ZNF841: variants seen among roughly 807,000 people sequenced by gnomAD.
The protein encoded by ZNF841 is TCONS_00006091.
ZNF841 carries 11 observed loss-of-function variants against 13.0 expected under a neutral mutation model. The observed-to-expected ratio is 0.85, with a 90% CI of 0.53 to 1.40. The LOEUF (loss-of-function observed/expected upper bound fraction) is 1.40, where lower values mean the gene tolerates loss of function less well. ZNF841 is among the 40% of genes most tolerant of loss of function. ZNF841 has a pLI of 0.00. For synonymous variants in ZNF841, 369 were observed against 381.6 expected, an observed-to-expected ratio of 0.97 and a Z score of 0.38; for missense variants, 1,068 against 1,139.5, an observed-to-expected ratio of 0.94 and a Z score of 0.90.
Position 52,064,997 on chromosome 19 carries a change from A to C in ZNF841, c.*110T>G. The C allele has an allele frequency of 1.0e-6, 1 of 983,106 alleles. No individual in the cohort carries two copies. Among genetic ancestry groups the C allele is most frequent in the Non-Finnish European group, 1.4e-6 (1 of 692,684 alleles). 60.9% of individuals were successfully genotyped at this position (983,106 alleles called of 1,614,324 possible). A position where few individuals can be genotyped will look rare whatever the true frequency, so the allele number is the denominator to read the frequency against. ...CTTTCTTGAGAAAGCCACCCCCATCATCCAATCACCTCCCACTAGGCTCCA... is the reference window on the plus strand; with the variant it reads ...CTTTCTTGAGAAAGCCACCCCCATCCTCCAATCACCTCCCACTAGGCTCCA... On this transcript the variant is annotated 3_prime_UTR_variant, in exon 7 of 7. Transcript: ENST00000594440.
intron 1 of ZNF841, among the ~76,000 whole-genome samples, chr19:52,095,096 C>A (rs1334023795): frequency 1.3e-5 from 2 of 152,168 alleles, no homozygotes; most frequent in Admixed American, 6.6e-5. Context: ...TGCCCACCTC[C>A]CGGAAGAGCA....
chr19:52,059,370 A>AAAAAAATATATATAT, the ZNF841 span, among the ~76,000 whole-genome samples: 5 of 69,644 alleles, frequency 7.2e-5, no homozygotes, highest in African/African-American at 3.3e-4. Context: ...AAAAAAAAAA[A>AAAAAAATATATATAT]ATATATATAT....
At chr19:52,076,738 C>T (rs1385106486) in intron 5 of ZNF841, among the ~76,000 whole-genome samples, 1 of 151,890 alleles carries the variant, frequency 6.6e-6, no homozygotes, top group African/African-American at 2.4e-5. Context: ...TTACACGTAC[C>T]TCAGCTCTGG....
intron 6 of ZNF841, among the ~76,000 whole-genome samples, chr19:52,071,819 C>T (rs73066172): frequency 0.16 from 23,901 of 152,062 alleles, 2,212 homozygotes; most frequent in South Asian, 0.3. Context: ...ATAGAAAGCA[C>T]TTAACACAAT....
intron 2 of ZNF841, among the ~76,000 whole-genome samples, chr19:52,090,611 AAAAGAAAG>A (rs200379352): frequency 7.7e-6 from 1 of 129,512 alleles, no homozygotes; most frequent in African/African-American, 3.0e-5. Context: ...GTCTCTTAAA[AAAAGAAAG>A]AAAGAAAGAA....
At position 52,084,771 on chromosome 19, in the gene ZNF841, A is replaced by C; in HGVS notation, c.15+16T>G. 1 of 1,613,408 alleles carries C rather than the reference A, an allele frequency of 6.2e-7. No individual in the cohort carries two copies. Among genetic ancestry groups the C allele is most frequent in the Non-Finnish European group, 8.5e-7 (1 of 1,179,668 alleles). On this transcript the variant is annotated intron_variant, in intron 4 of 6. Coordinates refer to ENST00000594440, the MANE Select transcript of ZNF841 (RefSeq NM_001136499.2). ...AAGGGAGGAGACAGAACAATCCACC[A>C]AGATTATCACTTTACCTGAGGAAGA...
intron 4 of ZNF841, among the ~76,000 whole-genome samples, chr19:52,083,132 T>A (rs1216213409): frequency 6.6e-6 from 1 of 151,900 alleles, no homozygotes; most frequent in African/African-American, 2.4e-5. Context: ...CAGCAGAACA[T>A]TCACTTAAGA....
chr19:52,063,972 T>C (rs947714043), downstream of ZNF841, among the ~76,000 whole-genome samples: 5 of 144,252 alleles, frequency 3.5e-5, no homozygotes, highest in Non-Finnish European at 1.5e-5. Flanking sequence ...TAAGTAGTAT[T>C]CTTGCCACAT....
At chr19:52,075,088 C>T (rs1333813568) in intron 6 of ZNF841, among the ~76,000 whole-genome samples, 3 of 152,198 alleles carry the variant, frequency 2.0e-5, no homozygotes, top group Non-Finnish European at 4.4e-5. Flanking sequence ...TAAACTCACT[C>T]CATACAATAG....
Position 52,065,461 on chromosome 19 carries a change from A to C in ZNF841, c.2421T>G (p.Ile807Met). Residue 807 changes from isoleucine to methionine, a missense_variant, in exon 7 of 7, where the codon ATT (isoleucine) becomes ATG (methionine). Physicochemically the swap from Ile to Met is conservative, Grantham distance 10. Transcript: ENST00000594440. ...TATGCATCATCTGATGATTAAGCAG[A>C]ATTGAACGTACTCTAAAGGCTTTGC... is the stretch of plus-strand genomic sequence containing the variant. ...ECGKAFRVRS[I>M]LLNHQMMHTG... is the part of the protein sequence containing the mutation. The C allele has an allele frequency of 6.2e-7, 1 of 1,613,448 alleles. No individual in the cohort carries two copies. Among genetic ancestry groups the C allele is most frequent in the East Asian group, 2.2e-5 (1 of 44,794 alleles).
At chr19:52,060,022 C>G (rs2087372083), downstream of ZNF841, among the ~76,000 whole-genome samples, 1 of 152,224 alleles carries the variant, frequency 6.6e-6, no homozygotes, top group African/African-American at 2.4e-5. Context: ...CGGGAAACCT[C>G]TAGTAGTCAT....
In ZNF841 at chr19:52,065,435, G is replaced by A. The variant is rs372051624; in HGVS notation, c.2447C>T (p.Thr816Ile). 6.2e-7 allele frequency: 1 copy of A among 1,613,838 alleles called. No homozygotes were observed. Among genetic ancestry groups the A allele is most frequent in the Admixed American group, 1.7e-5 (1 of 59,982 alleles). The change falls in exon 7 of 7, where the codon ACT (threonine) becomes ATT (isoleucine). Residue 816 changes from threonine to isoleucine, a missense_variant. Thr to Ile is a moderately conservative substitution (Grantham distance 89, BLOSUM62 -1). Coordinates refer to ENST00000594440, the MANE Select transcript of ZNF841 (RefSeq NM_001136499.2). The part of the protein sequence containing the change: ...SILLNHQMMH[T>I]GEKPYKCNEC... ...ATTACATTTATAAGGTTTCTCTCCA[G>A]TATGCATCATCTGATGATTAAGCAG...
In ZNF841 at chr19:52,065,198, T is replaced by C. The variant is rs772946335; in HGVS notation, c.2684A>G (p.His895Arg). 4.3e-5 allele frequency: 69 copies of C among 1,608,282 alleles called. No homozygotes were observed. The highest frequency in any genetic ancestry group is 5.9e-5 in the Non-Finnish European group (69 of 1,176,906). ...SYISRSGLTK[H>R]QIKHAGENLT... is the part of the protein sequence containing the mutation. ...GTTCTCTCCAGCATGTTTTATCTGATGTTTAGTGAGGCCTGAGCGACTAAT... is the reference window on the plus strand; with the variant it reads ...GTTCTCTCCAGCATGTTTTATCTGACGTTTAGTGAGGCCTGAGCGACTAAT... The change falls in exon 7 of 7, where the codon CAT (histidine) becomes CGT (arginine). Residue 895 changes from histidine to arginine, a missense_variant. His to Arg is a conservative substitution (Grantham distance 29). Coordinates refer to ENST00000594440, the MANE Select transcript of ZNF841 (RefSeq NM_001136499.2).
chr19:52,080,139 A>C (rs1224997475), intron 4 of ZNF841, among the ~76,000 whole-genome samples: 1 of 152,168 alleles, frequency 6.6e-6, no homozygotes, highest in Non-Finnish European at 1.5e-5. Context: ...CACACTTCTA[A>C]ATTTTCATTA....
chr19:52,087,994 C>T (rs2123362078), intron 3 of ZNF841, among the ~76,000 whole-genome samples: 1 of 150,588 alleles, frequency 6.6e-6, no homozygotes, highest in South Asian at 2.1e-4. Flanking sequence ...GATAATGCAT[C>T]CAAAATGCAT....
At chr19:52,090,662 A>AGGAAG (rs2088450766) in intron 2 of ZNF841, among the ~76,000 whole-genome samples, 1 of 111,338 alleles carries the variant, frequency 9.0e-6, no homozygotes, top group African/African-American at 5.1e-5. Flanking sequence ...AAGGAAAGAA[A>AGGAAG]GAAAGAAAGA....
intron 1 of ZNF841, among the ~76,000 whole-genome samples, chr19:52,095,353 C>T (rs2088633788): frequency 6.6e-6 from 1 of 152,144 alleles, no homozygotes; most frequent in Non-Finnish European, 1.5e-5. Context: ...ACAGTGGGCG[C>T]TCCCCTCCAG....
chr19:52,068,965 GC>G, intron 6 of ZNF841, among the ~76,000 whole-genome samples: 1 of 152,228 alleles, frequency 6.6e-6, no homozygotes, highest in Non-Finnish European at 1.5e-5. Flanking sequence ...GAGCGAGACT[GC>G]CTCAAAAAAA....
At chr19:52,074,006 T>C (rs2087817217) in intron 6 of ZNF841, among the ~76,000 whole-genome samples, 1 of 152,182 alleles carries the variant, frequency 6.6e-6, no homozygotes, top group African/African-American at 2.4e-5. Flanking sequence ...ACTTAAAAAC[T>C]GTAATCAATT....
Sources: gnomAD v4.1 joint callset for allele counts (sites outside exome capture counted in the v4.1 genomes callset) on GRCh38, gnomAD v4.1.1 for gene constraint, MANE v1.5 for transcripts, NCBI Gene and HGNC (gene_info 2026-07-23, HGNC 2026-07-21) for gene names.